UPF2: variants seen among roughly 807,000 people sequenced by gnomAD.
UPF2 encodes the protein regulator of nonsense transcripts 2.
UPF2 carries 17 observed loss-of-function variants against 141.4 expected under a neutral mutation model. The ratio of observed to expected loss-of-function variants is 0.12; its 90% CI spans 0.08 to 0.18. UPF2 has a LOEUF of 0.18. Ranked by LOEUF, UPF2 falls within the 10% of genes least tolerant of loss-of-function variation. UPF2 has a pLI of 1.00. For missense variants in UPF2, 1,152 were observed against 1,515.9 expected (o/e 0.76, Z 3.99); for synonymous variants, 540 against 498.0 (o/e 1.08, Z -1.12).
At chr10:12,026,795 G>A (rs1214186942) in intron 3 of UPF2, 18 of 385,328 alleles carry the variant, frequency 4.7e-5, no homozygotes, top group Non-Finnish European at 1.5e-5. Flanking sequence ...TGGGATTACC[G>A]GGGCCTGCCA....
chr10:12,029,302 T>C lies in UPF2; in HGVS notation c.588A>G (p.Leu196=). 6.2e-7 allele frequency: 1 copy of C among 1,614,218 alleles called. No homozygotes were observed. Among genetic ancestry groups the C allele is most frequent in the African/African-American group, 1.3e-5 (1 of 75,054 alleles). The change falls in exon 3 of 22, where the codon CTA becomes CTG. Residue 196 remains leucine, a synonymous_variant. Transcript: ENST00000357604. ...CTTCTGCAATGTATTTGCTTAAATT[T>C]AGGCCATTAAAATCATGGGACAAGG... ...RDSLSHDFNG[L]NLSKYIAEAV...
At chr10:11,948,741 G>A (rs1833036612) in intron 15 of UPF2, among the ~76,000 whole-genome samples, 1 of 152,174 alleles carries the variant, frequency 6.6e-6, no homozygotes, top group African/African-American at 2.4e-5. Context: ...ATAAGTGTAT[G>A]TGTGTGTATA....
rs913204340 is a variant in UPF2 at position 11,921,425 on chromosome 10, C to T, written c.3810-118G>A. 5 of 1,302,506 alleles carry T rather than the reference C, an allele frequency of 3.8e-6. No homozygotes were observed. The highest frequency in any genetic ancestry group is 5.5e-6 in the Non-Finnish European group (5 of 914,992). The allele number at this position is 1,302,506 out of a possible 1,614,324, so 80.7% of individuals were successfully genotyped here. On this transcript the variant is annotated intron_variant, in intron 21 of 21. Transcript: ENST00000357604. The surrounding 1 kb of genome is among the most constrained non-coding windows in gnomAD (Gnocchi z 5.9). ...GTCACTCCCCCAAGTTACAGGTGGC[C>T]CTGGCATCTGCGGGTTCCACATCCA...
chr10:11,980,370 C>T lies in UPF2; in HGVS notation c.1845-1205G>A, dbSNP rs1833571869. 6.6e-6 allele frequency among the ~76,000 whole-genome samples: 1 copy of T among 152,158 alleles called. No individual in the cohort carries two copies. The highest frequency in any genetic ancestry group is 2.4e-5 in the African/African-American group (1 of 41,440). Reference sequence around the variant, plus strand: ...TGACAGTGAGAGAGGAAGCTAAAAACTATAAAATTACAAGAGCTTAAAAAT... The same window carrying T: ...TGACAGTGAGAGAGGAAGCTAAAAATTATAAAATTACAAGAGCTTAAAAAT... On this transcript the variant is annotated intron_variant, in intron 8 of 21. Transcript: ENST00000357604. This position sits in a 1 kb window ranked among gnomAD's most constrained non-coding sequence, Gnocchi z 4.2.
At chr10:11,962,092 T>C (rs1332474367) in intron 11 of UPF2, among the ~76,000 whole-genome samples, 1 of 152,198 alleles carries the variant, frequency 6.6e-6, no homozygotes, top group Admixed American at 6.5e-5. Flanking sequence ...GAATGCATCA[T>C]TTAACTTATC....
chr10:11,957,206 A>C (rs1333743787), intron 12 of UPF2, among the ~76,000 whole-genome samples: 3 of 152,006 alleles, frequency 2.0e-5, no homozygotes, highest in African/African-American at 7.2e-5. Flanking sequence ...AGGTGGGTGG[A>C]TAATCTGAGG....
In UPF2 at chr10:11,979,818, T is replaced by C. The variant is rs576041655; in HGVS notation, c.1845-653A>G. 4.6e-5 allele frequency among the ~76,000 whole-genome samples: 7 copies of C among 152,268 alleles called. No homozygotes were observed. The highest frequency in any genetic ancestry group is 4.2e-4 in the South Asian group (2 of 4,818). On this transcript the variant is annotated intron_variant, in intron 8 of 21. Coordinates refer to ENST00000357604, the MANE Select transcript of UPF2 (RefSeq NM_015542.4). The surrounding 1 kb of genome is among the most constrained non-coding windows in gnomAD (Gnocchi z 6.2). ...TACTCGGGAGGCTAAGGCAGGAGAATTGCTTGAACCCAGGAGGTAGAAGTT... is the reference window on the plus strand; with the variant it reads ...TACTCGGGAGGCTAAGGCAGGAGAACTGCTTGAACCCAGGAGGTAGAAGTT...
At chr10:12,012,725 G>A (rs1834151100) in intron 4 of UPF2, among the ~76,000 whole-genome samples, 1 of 151,768 alleles carries the variant, frequency 6.6e-6, no homozygotes, top group African/African-American at 2.4e-5. Flanking sequence ...CCTGAACCTG[G>A]GAGGCGGAGC....
chr10:12,021,058 C>T (rs753156262), intron 3 of UPF2, among the ~76,000 whole-genome samples: 1 of 152,072 alleles, frequency 6.6e-6, no homozygotes, highest in Non-Finnish European at 1.5e-5. Flanking sequence ...AAAACAAGTG[C>T]TAAATGTAAA....
intron 21 of UPF2, among the ~76,000 whole-genome samples, chr10:11,922,226 C>T (rs1832654475): frequency 6.6e-6 from 1 of 152,172 alleles, no homozygotes; most frequent in South Asian, 2.1e-4. Flanking sequence ...CCGGCGGCCT[C>T]CAGTGCTGCG....
intron 21 of UPF2, among the ~76,000 whole-genome samples, chr10:11,922,453 G>A (rs1163504908): frequency 6.6e-6 from 1 of 152,128 alleles, no homozygotes; most frequent in Admixed American, 6.5e-5. Flanking sequence ...ATTCCCTGAG[G>A]GAATGAAAGA....
intron 9 of UPF2, among the ~76,000 whole-genome samples, chr10:11,976,308 A>G (rs11257461): frequency 0.06 from 9,136 of 152,268 alleles, 370 homozygotes; most frequent in Non-Finnish European, 0.092. Context: ...ATCTACTATC[A>G]TAACTCCAGG....
At chr10:11,961,967 T>C (rs1306668855) in intron 11 of UPF2, among the ~76,000 whole-genome samples, 4 of 152,170 alleles carry the variant, frequency 2.6e-5, no homozygotes, top group Non-Finnish European at 5.9e-5. Context: ...CTCTGTACTA[T>C]AATTAGTGAA....
chr10:11,933,081 T>C (rs762127906), intron 19 of UPF2, among the ~76,000 whole-genome samples: 10 of 152,214 alleles, frequency 6.6e-5, no homozygotes, highest in Admixed American at 1.3e-4. Context: ...ATTATCTTTT[T>C]CTTTCTCTGC....
In UPF2 at chr10:12,035,450, G is replaced by C; in HGVS notation, c.-18-9C>G. The stretch of plus-strand genomic sequence containing the variant: ...ATGTGACCCAGGACAATCTGTAAGA[G>C]GGAAAGAATGTCAGTACCATAGATG... On this transcript the variant is annotated splice_polypyrimidine_tract_variant and intron_variant, in intron 1 of 21. Transcript: ENST00000357604. The C allele has an allele frequency of 6.6e-7, 1 of 1,512,268 alleles. No individual in the cohort carries two copies. Among genetic ancestry groups the C allele is most frequent in the Non-Finnish European group, 8.8e-7 (1 of 1,139,914 alleles). 93.7% of individuals were successfully genotyped at this position (1,512,268 alleles called of 1,614,324 possible).
intron 21 of UPF2, among the ~76,000 whole-genome samples, chr10:11,927,004 G>A (rs1459866270): frequency 6.6e-6 from 1 of 152,156 alleles, no homozygotes; most frequent in Non-Finnish European, 1.5e-5. Flanking sequence ...CTCCTGCCTG[G>A]TCCTTAACAG....
At chr10:12,032,953 G>A (rs1459071238) in intron 2 of UPF2, among the ~76,000 whole-genome samples, 1 of 145,918 alleles carries the variant, frequency 6.9e-6, no homozygotes, top group Non-Finnish European at 1.5e-5. Context: ...GATGGAACCT[G>A]AGAATAGCCA....
chr10:11,934,778 CG>C (rs773638470), intron 19 of UPF2, among the ~76,000 whole-genome samples: 31 of 152,112 alleles, frequency 2.0e-4, no homozygotes, highest in Non-Finnish European at 4.0e-4. Context: ...TTAGTAGAGA[CG>C]GGGTTTCACT....
chr10:12,023,751 G>A (rs1588575607), intron 3 of UPF2, among the ~76,000 whole-genome samples: 1 of 151,482 alleles, frequency 6.6e-6, no homozygotes, highest in East Asian at 1.9e-4. Context: ...AGCACTGTGG[G>A]AGGCTCAGGC....
Sources: gnomAD v4.1 joint callset for allele counts (sites outside exome capture counted in the v4.1 genomes callset) on GRCh38, gnomAD v4.1.1 for gene constraint, Gnocchi (gnomAD v3.1) non-coding constraint, MANE v1.5 for transcripts, NCBI Gene and HGNC (gene_info 2026-07-23, HGNC 2026-07-21) for gene names.